UNC13B: variants seen among roughly 807,000 people sequenced by gnomAD.
UNC13B encodes protein unc-13 homolog B.
Under a neutral mutation model 211.0 loss-of-function variants are expected in UNC13B, and 144 were observed. That is an observed-to-expected ratio of 0.68 (90% confidence interval 0.60 to 0.78). The LOEUF (loss-of-function observed/expected upper bound fraction) is 0.78. Ranked by LOEUF, UNC13B falls within the 30% of genes least tolerant of loss-of-function variation. UNC13B has a pLI of 0.00. For synonymous variants in UNC13B, 709 were observed against 725.8 expected, an observed-to-expected ratio of 0.98 and a Z score of 0.37; for missense variants, 1,777 against 2,002.0, an observed-to-expected ratio of 0.89 and a Z score of 2.14.
At chr9:35,326,099 T>C (rs965417544) in intron 11 of UNC13B, among the ~76,000 whole-genome samples, 2 of 152,218 alleles carry the variant, frequency 1.3e-5, no homozygotes, top group African/African-American at 2.4e-5. Flanking sequence ...CAGCAGTGTA[T>C]GAGGGTTTCA....
intron 7 of UNC13B, among the ~76,000 whole-genome samples, chr9:35,278,003 T>A (rs1828274656): frequency 6.6e-6 from 1 of 152,186 alleles, no homozygotes; most frequent in African/African-American, 2.4e-5. Flanking sequence ...AAATTACTTT[T>A]GAAAGAACTA....
Position 35,162,290 on chromosome 9 carries a change from C to T in UNC13B, c.7C>T (p.Leu3=). Residue 3 remains leucine (L), a synonymous_variant, in exon 1 of 40, where the codon CTG becomes TTG. Transcript: ENST00000635942. ...GCTTGCCCGATCCTCGGCCATGTCA[C>T]TGCTCTGCGTGCGCGGTGAGTGCGC... is the stretch of plus-strand genomic sequence containing the variant. MS[L]LCVRVKRAKF... is the part of the protein sequence containing the mutation. 1 of 1,542,608 alleles carries T rather than the reference C, an allele frequency of 6.5e-7. No homozygotes were observed. Among genetic ancestry groups the T allele is most frequent in the Non-Finnish European group, 8.7e-7 (1 of 1,148,908 alleles).
chr9:35,221,037 T>C (rs980918472), intron 1 of UNC13B, among the ~76,000 whole-genome samples: 5 of 152,132 alleles, frequency 3.3e-5, no homozygotes, highest in African/African-American at 9.7e-5. Context: ...CATGTACTTG[T>C]TTGCCATTTG....
intron 17 of UNC13B, among the ~76,000 whole-genome samples, chr9:35,378,997 C>G (rs1028282330): frequency 6.6e-6 from 1 of 152,110 alleles, no homozygotes; most frequent in Non-Finnish European, 1.5e-5. Flanking sequence ...TTTCTTATGA[C>G]AGTAAAGGAT....
At chr9:35,174,367 C>T (rs1310952516) in intron 1 of UNC13B, among the ~76,000 whole-genome samples, 8 of 151,662 alleles carry the variant, frequency 5.3e-5, no homozygotes, top group Admixed American at 5.3e-4. Flanking sequence ...CCTCTGTCCT[C>T]CAGGCTGTAG....
chr9:35,199,907 T>A (rs1180437155), intron 1 of UNC13B, among the ~76,000 whole-genome samples: 4 of 152,216 alleles, frequency 2.6e-5, no homozygotes, highest in Non-Finnish European at 5.9e-5. Flanking sequence ...AGTCATGAAG[T>A]CCTTGCCCAT....
intron 24 of UNC13B, among the ~76,000 whole-genome samples, chr9:35,388,877 G>A (rs559968937): frequency 6.6e-6 from 1 of 152,188 alleles, no homozygotes; most frequent in Non-Finnish European, 1.5e-5. Flanking sequence ...AGGAGGGATT[G>A]GATTGAAGAT....
At chr9:35,393,286 G>A (rs567730851) in intron 26 of UNC13B, among the ~76,000 whole-genome samples, 1 of 152,268 alleles carries the variant, frequency 6.6e-6, no homozygotes, top group African/African-American at 2.4e-5. Context: ...AGGCTTCCTG[G>A]AGGAGGTGAT....
chr9:35,338,542 T>C (rs1437539166), intron 11 of UNC13B, among the ~76,000 whole-genome samples: 2 of 152,164 alleles, frequency 1.3e-5, no homozygotes, highest in Admixed American at 6.5e-5. Flanking sequence ...GAGGGCATCA[T>C]TCTACAGCGG....
At chr9:35,251,469 C>A (rs1210032977) in intron 6 of UNC13B, among the ~76,000 whole-genome samples, 2 of 152,048 alleles carry the variant, frequency 1.3e-5, no homozygotes, top group African/African-American at 2.4e-5. Context: ...AACCTGTATT[C>A]CCACCTACTT....
rs1290095691 is a variant in UNC13B, at chr9:35,404,196, A to G, written c.*163A>G. 1 of 936,418 alleles carries G rather than the reference A, an allele frequency of 1.1e-6. No individual in the cohort carries two copies. Among genetic ancestry groups the G allele is most frequent in the African/African-American group, 1.7e-5 (1 of 60,174 alleles). The allele number at this position is 936,418 out of a possible 1,614,324, so 58.0% of individuals were successfully genotyped here. On this transcript the variant is annotated 3_prime_UTR_variant, in exon 40 of 40. Transcript: ENST00000635942. ...TGGGGTGGTGATAATATGGCTTTTC[A>G]CAGAAAGGGTCATGAAGCCCTGGCC...
chr9:35,350,732 C>T (rs1027801870), intron 11 of UNC13B, among the ~76,000 whole-genome samples: 1 of 144,488 alleles, frequency 6.9e-6, no homozygotes, highest in African/African-American at 2.8e-5. Context: ...GTTTAAAATA[C>T]GTAAACCATT....
intron 1 of UNC13B, among the ~76,000 whole-genome samples, chr9:35,219,244 T>TG (rs1824439532): frequency 6.6e-6 from 1 of 152,146 alleles, no homozygotes; most frequent in Admixed American, 6.5e-5. Flanking sequence ...GAGTGGCTGG[T>TG]GGTACCAGCT....
intron 6 of UNC13B, among the ~76,000 whole-genome samples, chr9:35,246,568 T>G (rs1400106287): frequency 1.3e-5 from 2 of 152,218 alleles, no homozygotes; most frequent in East Asian, 3.8e-4. Context: ...TTTCTACATA[T>G]GGCTAGCCAG....
At chr9:35,163,890 A>G (rs1820901104) in intron 1 of UNC13B, among the ~76,000 whole-genome samples, 2 of 152,234 alleles carry the variant, frequency 1.3e-5, no homozygotes, top group South Asian at 4.1e-4. Flanking sequence ...GTCTTTTTGA[A>G]TAGAGATCTA....
intron 2 of UNC13B, 120 bp downstream of exon 2, chr9:35,228,164 T>G: frequency 1.1e-6 from 1 of 945,238 alleles, no homozygotes; most frequent in South Asian, 1.8e-5. Flanking sequence ...TTCACTAAAT[T>G]AATTCATGAA....
chr9:35,260,581 C>T (rs1236804173), intron 7 of UNC13B, among the ~76,000 whole-genome samples: 2 of 152,152 alleles, frequency 1.3e-5, no homozygotes, highest in African/African-American at 4.8e-5. Flanking sequence ...TTGGTACATT[C>T]TATAGGCCCA....
In UNC13B at chr9:35,385,709, C is replaced by T; in HGVS notation, c.10876-15C>T. On this transcript the variant is annotated splice_polypyrimidine_tract_variant and intron_variant, in intron 22 of 39. Transcript: ENST00000635942. ...GTCCTCTGTTCCTTTCTTACATTTG[C>T]TTGATTTGCAACAGAATAATTTCCC... 1 of 1,589,382 alleles carries T rather than the reference C, an allele frequency of 6.3e-7. No homozygotes were observed. Among genetic ancestry groups the T allele is most frequent in the Non-Finnish European group, 8.6e-7 (1 of 1,161,732 alleles).
In UNC13B at chr9:35,255,231, C is replaced by T. The variant is rs186043867; in HGVS notation, c.469-3762C>T. On this transcript the variant is annotated intron_variant, in intron 6 of 39. Coordinates refer to ENST00000635942, the MANE Select transcript of UNC13B (RefSeq NM_001371189.2). ...TGAGCCATTGTGCTGGGCCTGTTTA[C>T]GCATATATTTTTATTAACAGACTTC... Among the ~76,000 whole-genome samples the T allele has an allele frequency of 5.4e-3, 812 of 149,958 alleles. 9 individuals carry two copies. Among genetic ancestry groups the T allele is most frequent in the Non-Finnish European group, 7.0e-3 (472 of 67,760 alleles).
Sources: allele counts gnomAD v4.1 joint callset (sites outside exome capture counted in the v4.1 genomes callset), GRCh38; gene constraint gnomAD v4.1.1; transcripts MANE v1.5; gene names NCBI Gene and HGNC (gene_info 2026-07-23, HGNC 2026-07-21).